ODAD2: variants seen among roughly 807,000 people sequenced by gnomAD.
ODAD2 encodes the protein outer dynein arm docking complex subunit 2.
In ODAD2, 89 loss-of-function variants were observed where a neutral mutation model predicts 106.8. That is an observed-to-expected ratio of 0.83 (90% CI 0.70 to 0.99). ODAD2 has a LOEUF of 0.99. Among genes scored for constraint, ODAD2 ranks in the 50% least tolerant of loss-of-function variants. The pLI is 0.00. For synonymous variants in ODAD2, 404 were observed against 436.2 expected (o/e 0.93, Z 0.92); for missense variants, 1,168 against 1,238.5 (o/e 0.94, Z 0.85).
intron 13 of ODAD2, 50 bp downstream of exon 13, chr10:27,940,513 T>A (rs757918472): frequency 2.2e-5 from 36 of 1,600,970 alleles, no homozygotes; most frequent in Non-Finnish European, 3.1e-5. Context: ...ACTTTTGGAC[T>A]AAAGAAAGTC....
chr10:27,873,675 C>T (rs1392990395), intron 17 of ODAD2, among the ~76,000 whole-genome samples: 48 of 152,128 alleles, frequency 3.2e-4, no homozygotes, highest in African/African-American at 7.7e-4. Flanking sequence ...TTTGAGTGAG[C>T]TTCTTAATCC....
At chr10:27,901,543 C>T (rs2368270) in intron 17 of ODAD2, among the ~76,000 whole-genome samples, 150,071 of 152,294 alleles carry the variant, frequency 0.99, 73,938 homozygotes, top group East Asian at 1. Flanking sequence ...TCAAGACCCA[C>T]CGGTGTGCTG....
chr10:27,906,612 C>A (rs1843609460), intron 17 of ODAD2, among the ~76,000 whole-genome samples: 1 of 152,106 alleles, frequency 6.6e-6, no homozygotes, highest in Admixed American at 6.5e-5. Context: ...TGGAACCAAC[C>A]AAAACACCCA....
At chr10:27,815,170 C>T (rs1233117193) in intron 19 of ODAD2, among the ~76,000 whole-genome samples, 1 of 152,198 alleles carries the variant, frequency 6.6e-6, no homozygotes, top group Non-Finnish European at 1.5e-5. Context: ...CAATGGCTCT[C>T]TCCTATCCAA....
At chr10:27,961,461 T>C (rs1848135935) in intron 10 of ODAD2, 107 bp downstream of exon 10, 1 of 1,105,806 alleles carries the variant, frequency 9.0e-7, no homozygotes. Context: ...GAATGCTTAC[T>C]ACTCTTATTT....
chr10:27,961,039 G>A (rs1225918292), intron 10 of ODAD2, among the ~76,000 whole-genome samples: 1 of 152,114 alleles, frequency 6.6e-6, no homozygotes, highest in African/African-American at 2.4e-5. Flanking sequence ...TGAGAGAAAT[G>A]AAAATGAACC....
chr10:27,866,511 T>A (rs1175572610), intron 17 of ODAD2, among the ~76,000 whole-genome samples: 1 of 152,160 alleles, frequency 6.6e-6, no homozygotes, highest in African/African-American at 2.4e-5. Flanking sequence ...CCAATTGTGT[T>A]ACTATGAAGG....
chr10:27,849,545 T>TGTA (rs2133208385), intron 19 of ODAD2, among the ~76,000 whole-genome samples: 1 of 151,676 alleles, frequency 6.6e-6, no homozygotes, highest in South Asian at 2.1e-4. Context: ...GAACTTAAAA[T>TGTA]ATAATAATAA....
chr10:27,893,923 G>A (rs1415142077), intron 17 of ODAD2, among the ~76,000 whole-genome samples: 1 of 152,040 alleles, frequency 6.6e-6, no homozygotes, highest in African/African-American at 2.4e-5. Context: ...GCCGAGGTGG[G>A]TGGATCACCT....
At chr10:27,940,910 A>C (rs776514150) in intron 12 of ODAD2, 105 bp from the exon 13 acceptor site, 27 of 1,205,294 alleles carry the variant, frequency 2.2e-5, no homozygotes, top group Non-Finnish European at 3.1e-5. Flanking sequence ...TCCGTCAAAA[A>C]CAAGAATGCT....
intron 16 of ODAD2, among the ~76,000 whole-genome samples, chr10:27,926,505 T>C (rs1452378709): frequency 2.6e-5 from 4 of 152,120 alleles, no homozygotes; most frequent in Non-Finnish European, 5.9e-5. Context: ...TAAAACACTC[T>C]TCAAAGTCAA....
At chr10:27,894,088 T>C (rs538393617) in intron 17 of ODAD2, among the ~76,000 whole-genome samples, 2 of 152,192 alleles carry the variant, frequency 1.3e-5, no homozygotes. Context: ...GACATTGCAG[T>C]GTGCAAATGT....
At chr10:27,867,337 A>G (rs1261264367) in intron 17 of ODAD2, among the ~76,000 whole-genome samples, 1 of 152,176 alleles carries the variant, frequency 6.6e-6, no homozygotes, top group East Asian at 1.9e-4. Flanking sequence ...CAATGCCACA[A>G]AGTCTGATGG....
intron 19 of ODAD2, among the ~76,000 whole-genome samples, chr10:27,821,971 T>C (rs1836650344): frequency 6.6e-6 from 1 of 152,196 alleles, no homozygotes. Context: ...TTTTGAAAAC[T>C]TAACTGCACA....
chr10:27,973,417 C>T (rs2133013412), intron 7 of ODAD2, among the ~76,000 whole-genome samples: 1 of 152,238 alleles, frequency 6.6e-6, no homozygotes, highest in South Asian at 2.1e-4. Context: ...GTTTGCTGTA[C>T]AGATGATTTC....
intron 17 of ODAD2, among the ~76,000 whole-genome samples, chr10:27,894,086 AGT>A (rs1842720842): frequency 6.6e-6 from 1 of 152,212 alleles, no homozygotes; most frequent in Non-Finnish European, 1.5e-5. Flanking sequence ...TTGACATTGC[AGT>A]GTGCAAATGT....
At chr10:27,877,736 CTGGTACAATATTGGTTATGCACAAT>C (rs1473649115) in intron 17 of ODAD2, among the ~76,000 whole-genome samples, 23 of 152,274 alleles carry the variant, frequency 1.5e-4, no homozygotes, top group Middle Eastern at 3.4e-3. Context: ...AGTTTCACCA[CTGGTACAATATTGGTTATGCACAAT>C]TCAAATGTTC....
At chr10:27,982,787 G>C (rs1438351636) in intron 6 of ODAD2, among the ~76,000 whole-genome samples, 5 of 152,170 alleles carry the variant, frequency 3.3e-5, no homozygotes, top group Admixed American at 3.3e-4. Flanking sequence ...AGGGCAGGAT[G>C]TTGCAGAGGT....
intron 17 of ODAD2, among the ~76,000 whole-genome samples, chr10:27,906,607 C>T (rs1843609054): frequency 6.6e-6 from 1 of 152,114 alleles, no homozygotes; most frequent in African/African-American, 2.4e-5. Context: ...AGACTTGGAA[C>T]CAACCAAAAC....
Sources: gnomAD v4.1 joint callset for allele counts (sites outside exome capture counted in the v4.1 genomes callset) on GRCh38, gnomAD v4.1.1 for gene constraint, MANE v1.5 for transcripts, NCBI Gene and HGNC (gene_info 2026-07-23, HGNC 2026-07-21) for gene names.